The following TBC1D1 variants were observed in gnomAD, a reference collection of about 807,000 sequenced individuals.
TBC1D1 encodes the protein TBC1 domain family member 1.
In TBC1D1, 89 loss-of-function variants were observed where a neutral mutation model predicts 125.6. The ratio of observed to expected loss-of-function variants is 0.71; its 90% CI spans 0.60 to 0.85. The LOEUF (loss-of-function observed/expected upper bound fraction) is 0.85. TBC1D1 is among the 40% of genes least tolerant of loss of function. TBC1D1 has a pLI of 0.00. For synonymous variants in TBC1D1, 565 were observed against 564.1 expected (o/e 1.00, Z -0.02); for missense variants, 1,377 against 1,469.2 (o/e 0.94, Z 1.03).
chr4:37,997,755 T>C (rs967501840), intron 2 of TBC1D1, among the ~76,000 whole-genome samples: 1 of 151,938 alleles, frequency 6.6e-6, no homozygotes, highest in African/African-American at 2.4e-5. Flanking sequence ...GTAGAAGAAA[T>C]AACAGCTGTT....
At chr4:38,005,940 G>C (rs575831582) in intron 2 of TBC1D1, among the ~76,000 whole-genome samples, 1 of 152,316 alleles carries the variant, frequency 6.6e-6, no homozygotes, top group Non-Finnish European at 1.5e-5. Flanking sequence ...TTAGACCCAT[G>C]TGTGAGGCGT....
At chr4:38,095,352 A>G (rs1179013075) in intron 13 of TBC1D1, among the ~76,000 whole-genome samples, 1 of 152,188 alleles carries the variant, frequency 6.6e-6, no homozygotes, top group Non-Finnish European at 1.5e-5. Flanking sequence ...ATAATTCTTC[A>G]TGCAGCTTTA....
chr4:38,032,299 A>G lies in TBC1D1; in HGVS notation c.1303-3289A>G, dbSNP rs965457320. 2.0e-5 allele frequency among the ~76,000 whole-genome samples: 3 copies of G among 151,796 alleles called. No homozygotes were observed. In the East Asian group the frequency reaches 5.9e-4, roughly 30 times the overall value. ...GTGCCACTGCACTCCAGCCTGGGGG[A>G]TAGAGCGAGATGCTGTCTCCCCCAA... is the stretch of plus-strand genomic sequence containing the variant. On this transcript the variant is annotated intron_variant, in intron 7 of 19. Transcript: ENST00000261439.
intron 14 of TBC1D1, 99 bp from the exon 17 acceptor site, chr4:38,102,900 C>T (rs1299558952): frequency 2.5e-6 from 3 of 1,189,728 alleles, no homozygotes; most frequent in South Asian, 1.8e-5. Flanking sequence ...AAAAAAGGAA[C>T]AAGAATTTGG....
At chr4:38,038,073 T>G (rs1207334275) in intron 8 of TBC1D1, among the ~76,000 whole-genome samples, 2 of 152,172 alleles carry the variant, frequency 1.3e-5, no homozygotes, top group Non-Finnish European at 2.9e-5. Context: ...TACAAGTTTT[T>G]TGAGGTAGGT....
Position 38,038,056 on chromosome 4 carries a change from T to C in TBC1D1, c.1413+2358T>C, listed in dbSNP as rs148302995. 1.7e-4 allele frequency among the ~76,000 whole-genome samples: 26 copies of C among 152,332 alleles called. No individual in the cohort carries two copies. In the East Asian group the frequency reaches 2.9e-3, roughly 17 times the overall value. The stretch of plus-strand genomic sequence containing the variant: ...CTCATTCCTTACATAAATGACTCCA[T>C]TCATTCTACAAGTTTTTTGAGGTAG... On this transcript the variant is annotated intron_variant, in intron 8 of 19. Transcript: ENST00000261439.
At chr4:37,899,540 C>T (rs553898810) in intron 1 of TBC1D1, among the ~76,000 whole-genome samples, 2 of 151,846 alleles carry the variant, frequency 1.3e-5, no homozygotes, top group Non-Finnish European at 2.9e-5. Context: ...TGAAGCTCTC[C>T]GGGCTTCAGT....
intron 12 of TBC1D1, among the ~76,000 whole-genome samples, chr4:38,071,505 T>C (rs1754699822): frequency 6.6e-6 from 1 of 152,224 alleles, no homozygotes; most frequent in Admixed American, 6.5e-5. Context: ...TTAAAACCTG[T>C]TTTTTGAAGT....
At chr4:37,896,481 TC>T (rs1337812973) in intron 1 of TBC1D1, among the ~76,000 whole-genome samples, 1 of 152,122 alleles carries the variant, frequency 6.6e-6, no homozygotes, top group African/African-American at 2.4e-5. Context: ...CAGCTTTCCA[TC>T]CCCACACAAT....
At chr4:37,966,960 C>T (rs979002692) in intron 2 of TBC1D1, among the ~76,000 whole-genome samples, 1 of 152,192 alleles carries the variant, frequency 6.6e-6, no homozygotes, top group African/African-American at 2.4e-5. Context: ...CATGCAAGTA[C>T]CTGTGGCTTG....
At chr4:37,997,892 A>G (rs1401345832) in intron 2 of TBC1D1, among the ~76,000 whole-genome samples, 1 of 152,138 alleles carries the variant, frequency 6.6e-6, no homozygotes, top group Non-Finnish European at 1.5e-5. Context: ...CTGTCTGCAC[A>G]GTTCCCACTT....
At chr4:37,984,670 C>CTATTTT (rs1735062254) in intron 2 of TBC1D1, among the ~76,000 whole-genome samples, 2 of 151,748 alleles carry the variant, frequency 1.3e-5, no homozygotes, top group Non-Finnish European at 2.9e-5. Flanking sequence ...ATGGCAAAAC[C>CTATTTT]CTATCTCTAG....
chr4:37,934,531 G>T (rs904051577), intron 2 of TBC1D1, among the ~76,000 whole-genome samples: 8 of 152,212 alleles, frequency 5.3e-5, no homozygotes, highest in African/African-American at 1.9e-4. Context: ...CGTCCTGGTT[G>T]TGTCCCAGGC....
intron 2 of TBC1D1, among the ~76,000 whole-genome samples, chr4:37,989,297 A>G (rs1277096275): frequency 6.6e-6 from 1 of 152,228 alleles, no homozygotes; most frequent in Admixed American, 6.5e-5. Flanking sequence ...TCTTTAGATA[A>G]TAACGCTTTC....
At chr4:38,111,480 C>T (rs1269888095) in intron 15 of TBC1D1, among the ~76,000 whole-genome samples, 1 of 152,060 alleles carries the variant, frequency 6.6e-6, no homozygotes, top group East Asian at 1.9e-4. Flanking sequence ...TAAACTCATA[C>T]ATATAAAAAA....
intron 12 of TBC1D1, among the ~76,000 whole-genome samples, chr4:38,079,654 G>A (rs1045922800): frequency 6.6e-6 from 1 of 151,962 alleles, no homozygotes; most frequent in African/African-American, 2.4e-5. Flanking sequence ...TTGAACCCTG[G>A]AAGGCGGAGG....
At chr4:37,997,815 G>A (rs1738144106) in intron 2 of TBC1D1, among the ~76,000 whole-genome samples, 2 of 151,256 alleles carry the variant, frequency 1.3e-5, no homozygotes, top group Admixed American at 1.3e-4. Flanking sequence ...TTGCCAGAAT[G>A]CCAGAGTAGA....
At chr4:38,051,632 A>G (rs938268250) in intron 11 of TBC1D1, among the ~76,000 whole-genome samples, 1 of 151,744 alleles carries the variant, frequency 6.6e-6, no homozygotes, top group African/African-American at 2.4e-5. Context: ...AGTGAGACCT[A>G]TTAAAAAAAA....
intron 7 of TBC1D1, among the ~76,000 whole-genome samples, chr4:38,030,181 C>A (rs747903489): frequency 6.6e-6 from 1 of 152,222 alleles, no homozygotes; most frequent in Non-Finnish European, 1.5e-5. Context: ...AGGTAATACA[C>A]AAAATATTCT....
Sources: allele counts gnomAD v4.1 joint callset (sites outside exome capture counted in the v4.1 genomes callset), GRCh38; gene constraint gnomAD v4.1.1; transcripts MANE v1.5; gene names NCBI Gene and HGNC (gene_info 2026-07-23, HGNC 2026-07-21).